Variants in MNAT1 observed in about 807,000 individuals in gnomAD.
MNAT1 encodes the protein MNAT1 component of CDK activating kinase.
A neutral mutation model predicts 42.0 loss-of-function variants in MNAT1; 43 were observed. That is an observed-to-expected ratio of 1.02 (90% CI 0.80 to 1.32). The LOEUF (loss-of-function observed/expected upper bound fraction) is 1.32. MNAT1 is among the 40% of genes most tolerant of loss of function. The pLI is 0.00. For missense variants in MNAT1, 306 were observed against 350.4 expected, an observed-to-expected ratio of 0.87 and a Z score of 1.01; for synonymous variants, 118 against 120.0, an observed-to-expected ratio of 0.98 and a Z score of 0.11.
At chr14:60,912,907 A>G (rs1195123495) in intron 7 of MNAT1, among the ~76,000 whole-genome samples, 3 of 152,168 alleles carry the variant, frequency 2.0e-5, no homozygotes, top group Non-Finnish European at 4.4e-5. Flanking sequence ...CCTGGATAAT[A>G]TCCTGCAGAG....
intron 7 of MNAT1, among the ~76,000 whole-genome samples, chr14:60,916,132 G>A (rs1426944552): frequency 6.6e-6 from 1 of 152,108 alleles, no homozygotes; most frequent in African/African-American, 2.4e-5. Context: ...CCTGATGTTG[G>A]CTCTATCACT....
At chr14:60,823,869 A>G (rs965903354) in intron 6 of MNAT1, among the ~76,000 whole-genome samples, 3 of 147,130 alleles carry the variant, frequency 2.0e-5, no homozygotes, top group African/African-American at 7.7e-5. Flanking sequence ...AAACAAAAAC[A>G]TAAACAAGGC....
Position 60,818,724 on chromosome 14 carries a change from G to T in MNAT1, c.564G>T (p.Glu188Asp). ...TTGAACTTGAACTATTCTTACAGGA[G>T]AGTTCTGATCTCCCTGTTGCTCTGC... is the stretch of plus-strand genomic sequence containing the variant. The part of the protein sequence containing the change: ...KNKQAFLDEL[E>D]SSDLPVALLL... The change falls in exon 6 of 8, where the codon GAG (glutamate) becomes GAT (aspartate). Residue 188 changes from glutamate (E) to aspartate (D), a missense_variant and splice_region_variant. By Grantham distance (45) the Glu-to-Asp change is conservative. Around this residue, in one of 3 missense-constraint regions of MNAT1, gnomAD observed 118 missense variants for 99.8 expected, o/e 1.18. Transcript: ENST00000261245. 1.9e-6 allele frequency: 3 copies of T among 1,598,402 alleles called. No homozygotes were observed. The highest frequency in any genetic ancestry group is 2.6e-6 in the Non-Finnish European group (3 of 1,171,484).
At chr14:60,826,501 A>G (rs2033061889) in intron 6 of MNAT1, among the ~76,000 whole-genome samples, 1 of 151,608 alleles carries the variant, frequency 6.6e-6, no homozygotes, top group Non-Finnish European at 1.5e-5. Flanking sequence ...TTGTATTTTC[A>G]GTAGAGACGG....
At chr14:60,822,623 G>A (rs1325034643) in intron 6 of MNAT1, among the ~76,000 whole-genome samples, 1 of 146,520 alleles carries the variant, frequency 6.8e-6, no homozygotes, top group South Asian at 2.2e-4. Flanking sequence ...TTTTTTTGGA[G>A]AGGAGGCAGG....
intron 1 of MNAT1, among the ~76,000 whole-genome samples, chr14:60,735,643 A>G (rs1244960003): frequency 1.3e-5 from 2 of 152,244 alleles, no homozygotes; most frequent in African/African-American, 4.8e-5. Context: ...AGACTGCTCA[A>G]GGTCCCTTAT....
chr14:60,895,107 G>A (rs1042662537), intron 7 of MNAT1, among the ~76,000 whole-genome samples: 1 of 152,150 alleles, frequency 6.6e-6, no homozygotes. Flanking sequence ...ATTAGAGCCA[G>A]GATTAGCTCA....
chr14:60,784,679 A>G (rs1335981305), intron 1 of MNAT1, among the ~76,000 whole-genome samples: 2 of 151,456 alleles, frequency 1.3e-5, no homozygotes, highest in Non-Finnish European at 2.9e-5. Context: ...TGGCCAGGCT[A>G]GTCTCGAACT....
intron 7 of MNAT1, among the ~76,000 whole-genome samples, chr14:60,890,876 A>G (rs1179681371): frequency 6.6e-6 from 1 of 152,170 alleles, no homozygotes; most frequent in Non-Finnish European, 1.5e-5. Flanking sequence ...TCCTTTGGCA[A>G]CACCCTCACA....
chr14:60,903,072 G>GT (rs1216341134), intron 7 of MNAT1, among the ~76,000 whole-genome samples: 26 of 146,032 alleles, frequency 1.8e-4, no homozygotes, highest in African/African-American at 4.5e-4. Flanking sequence ...GTTTCTTTCT[G>GT]TTTTTTTTTC....
At chr14:60,816,087 T>A (rs1050192771) in intron 5 of MNAT1, among the ~76,000 whole-genome samples, 2 of 152,182 alleles carry the variant, frequency 1.3e-5, no homozygotes, top group African/African-American at 4.8e-5. Context: ...TTAATTCTTA[T>A]AATTAATCTC....
intron 6 of MNAT1, among the ~76,000 whole-genome samples, chr14:60,836,930 AC>A (rs962271416): frequency 4.6e-5 from 7 of 152,270 alleles, no homozygotes; most frequent in African/African-American, 1.7e-4. Flanking sequence ...TTTCAGAGAT[AC>A]CCTGCCAAGA....
rs533069752 is a variant in MNAT1, at chr14:60,911,810, G to T, written c.809+31975G>T. Among the ~76,000 whole-genome samples, 3 of 152,154 alleles carry T rather than the reference G, an allele frequency of 2.0e-5. No individual in the cohort carries two copies. The East Asian group carries it at 5.8e-4, about 29-fold the overall frequency. On this transcript the variant is annotated intron_variant, in intron 7 of 7. Coordinates refer to ENST00000261245, the MANE Select transcript of MNAT1 (RefSeq NM_002431.4). The stretch of plus-strand genomic sequence containing the variant: ...AATGTATATTCTGGTGATTTGGGGT[G>T]GAGAGTTCTGTAGATGTGTATTAGG...
intron 7 of MNAT1, among the ~76,000 whole-genome samples, chr14:60,959,119 C>A (rs2036541728): frequency 6.6e-6 from 1 of 152,166 alleles, no homozygotes; most frequent in Non-Finnish European, 1.5e-5. Context: ...GTGGGATGCC[C>A]AGTGGCCAAA....
chr14:60,869,157 G>C (rs2139446443), intron 6 of MNAT1, among the ~76,000 whole-genome samples: 3 of 149,092 alleles, frequency 2.0e-5, no homozygotes, highest in African/African-American at 7.4e-5. Flanking sequence ...TCCTGCCTGA[G>C]TAATTGGGAC....
intron 1 of MNAT1, among the ~76,000 whole-genome samples, chr14:60,784,179 ATTTTTTT>A (rs71114155): frequency 9.4e-5 from 5 of 53,292 alleles, no homozygotes; most frequent in African/African-American, 3.1e-4. Flanking sequence ...TGCCTGGCTA[ATTTTTTT>A]TTTTTTTTTT....
intron 6 of MNAT1, among the ~76,000 whole-genome samples, chr14:60,840,844 T>G: frequency 6.6e-6 from 1 of 152,122 alleles, no homozygotes; most frequent in Non-Finnish European, 1.5e-5. Flanking sequence ...TTTGTATTTT[T>G]AGTAGAGACG....
chr14:60,915,918 T>G (rs2035502570), intron 7 of MNAT1, among the ~76,000 whole-genome samples: 1 of 152,168 alleles, frequency 6.6e-6, no homozygotes, highest in Non-Finnish European at 1.5e-5. Context: ...TTTACTGCAT[T>G]CATCGGTTCC....
At chr14:60,886,303 G>A (rs2034669423) in intron 7 of MNAT1, among the ~76,000 whole-genome samples, 1 of 151,872 alleles carries the variant, frequency 6.6e-6, no homozygotes, top group Non-Finnish European at 1.5e-5. Context: ...AATGTTGATA[G>A]GGATTTTGTT....
Sources: gnomAD v4.1 joint callset for allele counts (sites outside exome capture counted in the v4.1 genomes callset) on GRCh38, gnomAD v4.1.1 for gene constraint, gnomAD v4.1.1 regional missense constraint, MANE v1.5 for transcripts, NCBI Gene and HGNC (gene_info 2026-07-23, HGNC 2026-07-21) for gene names.